Variants in ATP8B1 observed in about 807,000 individuals in gnomAD.
ATP8B1 encodes the protein ATPase phospholipid transporting 8B1.
In ATP8B1, 80 loss-of-function variants were observed where a neutral mutation model predicts 149.9. The observed-to-expected ratio is 0.53, with a 90% CI of 0.45 to 0.64. ATP8B1 has a LOEUF of 0.64. Among genes scored for constraint, ATP8B1 ranks in the 30% least tolerant of loss-of-function variants. The pLI is 0.00. For missense variants in ATP8B1, 1,247 were observed against 1,552.6 expected (o/e 0.80, Z 3.31); for synonymous variants, 536 against 562.8 (o/e 0.95, Z 0.67).
Position 57,648,851 on chromosome 18 carries a change from CTTGTGTGT to C in ATP8B1, c.3532-147_3532-140del. On this transcript the variant is annotated intron_variant, in intron 27 of 27. Transcript: ENST00000648908. ...TTTGATGCAGGCAGTTCTGTCCCCACTTGTGTGTGTGTGTGTGTGTGTGTGTGTGTGTG... is the reference window on the plus strand; with the variant it reads ...TTTGATGCAGGCAGTTCTGTCCCCACGTGTGTGTGTGTGTGTGTGTGTGTG... 2 of 520,772 alleles carry C rather than the reference CTTGTGTGT, an allele frequency of 3.8e-6. 1 individual carries two copies. The highest frequency in any genetic ancestry group is 6.7e-6 in the Non-Finnish European group (2 of 297,906). 32.3% of individuals were successfully genotyped at this position (520,772 alleles called of 1,614,324 possible). A position where few individuals can be genotyped will look rare whatever the true frequency, so the allele number is the denominator to read the frequency against.
chr18:57,669,317 C>A lies in ATP8B1; in HGVS notation c.2097+1G>T. 6.3e-7 allele frequency: 1 copy of A among 1,597,818 alleles called. No individual in the cohort carries two copies. The highest frequency in any genetic ancestry group is 8.5e-7 in the Non-Finnish European group (1 of 1,174,664). On this transcript the variant is annotated splice_donor_variant, in intron 18 of 27. Coordinates refer to ENST00000648908, the MANE Select transcript of ATP8B1 (RefSeq NM_001374385.1). LOFTEE classifies it high-confidence loss of function. ...AAAAAGTTATTAAGGCTAAAACTCA[C>A]AATTAAGTCTTTTTCAATCTCCTCA... is the stretch of plus-strand genomic sequence containing the variant.
intron 2 of ATP8B1, among the ~76,000 whole-genome samples, chr18:57,719,776 T>C (rs2079622673): frequency 6.6e-6 from 1 of 152,218 alleles, no homozygotes; most frequent in South Asian, 2.1e-4. Context: ...GAGGCCTGCC[T>C]GCCACTGTAG....
At chr18:57,668,037 G>A in intron 19 of ATP8B1, 2 of 1,240,730 alleles carry the variant, frequency 1.6e-6, no homozygotes, top group South Asian at 1.4e-5. Flanking sequence ...CAATAAAATT[G>A]GCAAGAAAAC....
At chr18:57,672,107 A>G (rs973214542) in intron 16 of ATP8B1, among the ~76,000 whole-genome samples, 5 of 152,192 alleles carry the variant, frequency 3.3e-5, no homozygotes, top group Non-Finnish European at 5.9e-5. Flanking sequence ...CTTCACAGTC[A>G]GCTCTGTTTT....
In ATP8B1 at chr18:57,703,158, C is replaced by G. The variant is rs752116303; in HGVS notation, c.393+1397G>C. On this transcript the variant is annotated intron_variant, in intron 4 of 27. Transcript: ENST00000648908. ...CCTTACCATCGTCTCTTCTTTTTCT[C>G]TCCTCTCCACGCATCCTCCATCCCC... Among the ~76,000 whole-genome samples, 166 of 152,232 alleles carry G rather than the reference C, an allele frequency of 1.1e-3. 1 individual carries two copies. Among genetic ancestry groups the G allele is most frequent in the Middle Eastern group, 3.4e-3 (1 of 294 alleles).
intron 1 of ATP8B1, among the ~76,000 whole-genome samples, chr18:57,796,514 A>G (rs535564456): frequency 6.6e-6 from 1 of 152,312 alleles, no homozygotes; most frequent in South Asian, 2.1e-4. Context: ...AAAAAACTGG[A>G]GGTTGATACA....
At position 57,650,400 on chromosome 18, in the gene ATP8B1, C is replaced by T; in HGVS notation, c.3498G>A (p.Leu1166=). ...CLLPVVAIRF[L]SMTIWPSESD... ...TTTCTGATGGCCAGATGGTCATTGA[C>T]AGGAATCGAATGGCAACGACGGGTA... is the stretch of plus-strand genomic sequence containing the variant. Residue 1166 remains leucine (L), a synonymous_variant, in exon 27 of 28, where the codon CTG becomes CTA. Coordinates refer to ENST00000648908, the MANE Select transcript of ATP8B1 (RefSeq NM_001374385.1). 2 of 1,613,758 alleles carry T rather than the reference C, an allele frequency of 1.2e-6. No homozygotes were observed. The highest frequency in any genetic ancestry group is 1.7e-6 in the Non-Finnish European group (2 of 1,179,816).
chr18:57,781,808 CCT>C lies in ATP8B1; in HGVS notation c.-26+21188_-26+21189del, dbSNP rs63066961. Among the ~76,000 whole-genome samples, 1,077 of 152,190 alleles carry C rather than the reference CCT, an allele frequency of 7.1e-3. 11 individuals carry two copies. Among genetic ancestry groups the C allele is most frequent in the African/African-American group, 0.024 (1,005 of 41,522 alleles). On this transcript the variant is annotated intron_variant, in intron 1 of 27. Coordinates refer to ENST00000648908, the MANE Select transcript of ATP8B1 (RefSeq NM_001374385.1). ...CCAGCCTGAACAACATAAGGATACC[CCT>C]GTCTCTACAAAAGAAGAAATTTTAA...
rs918983539 is a variant in ATP8B1, at chr18:57,762,118, C to A, written c.-25-30286G>T. 3.4e-4 allele frequency among the ~76,000 whole-genome samples: 42 copies of A among 123,282 alleles called. 1 individual carries two copies. The highest frequency in any genetic ancestry group is 3.4e-4 in the Non-Finnish European group (19 of 56,212). 80.9% of individuals were successfully genotyped at this position (123,282 alleles called of 152,430 possible). ...TGATGAGCCAATAATGAGATACACACACACACACATATATATATATATATT... is the reference window on the plus strand; with the variant it reads ...TGATGAGCCAATAATGAGATACACAAACACACACATATATATATATATATT... On this transcript the variant is annotated intron_variant, in intron 1 of 27. Transcript: ENST00000648908.
intron 1 of ATP8B1, among the ~76,000 whole-genome samples, chr18:57,783,319 C>A (rs1192686535): frequency 6.6e-6 from 1 of 152,140 alleles, no homozygotes; most frequent in Non-Finnish European, 1.5e-5. Flanking sequence ...TTATGTTTAA[C>A]AAAAGTTCTA....
At chr18:57,655,033 A>G (rs540450454) in intron 23 of ATP8B1, among the ~76,000 whole-genome samples, 161 bp downstream of exon 23, 1 of 152,314 alleles carries the variant, frequency 6.6e-6, no homozygotes, top group South Asian at 2.1e-4. Flanking sequence ...CACCAGAAAC[A>G]TTTAGAGAAG....
intron 2 of ATP8B1, among the ~76,000 whole-genome samples, chr18:57,727,345 G>A (rs1345510884): frequency 6.6e-6 from 1 of 152,160 alleles, no homozygotes; most frequent in Non-Finnish European, 1.5e-5. Context: ...AAGTGGAACA[G>A]CTCCCTCAGC....
rs1442547400 is a variant in ATP8B1, at chr18:57,802,040, G to C, written c.-26+958C>G. 1 of 131,430 alleles carries C rather than the reference G, an allele frequency of 7.6e-6. No individual in the cohort carries two copies. Among genetic ancestry groups the C allele is most frequent in the Non-Finnish European group, 1.5e-5 (1 of 64,694 alleles). The allele number at this position is 131,430 out of a possible 1,614,324, so 8.1% of individuals were successfully genotyped here. A position where few individuals can be genotyped will look rare whatever the true frequency, so the allele number is the denominator to read the frequency against. ...TCCCCCGTACAACCGTCACGGATCT[G>C]CGCTCCGAGCACCGCCCCCCCCCGC... is the stretch of plus-strand genomic sequence containing the variant. On this transcript the variant is annotated intron_variant, in intron 1 of 27. Coordinates refer to ENST00000648908, the MANE Select transcript of ATP8B1 (RefSeq NM_001374385.1). The surrounding 1 kb of genome is among the most constrained non-coding windows in gnomAD (Gnocchi z 4.9).
At chr18:57,683,120 G>C (rs1912064364) in intron 15 of ATP8B1, among the ~76,000 whole-genome samples, 1 of 152,146 alleles carries the variant, frequency 6.6e-6, no homozygotes, top group African/African-American at 2.4e-5. Context: ...GAGCCACCAA[G>C]CGTTGGCCTA....
intron 20 of ATP8B1, among the ~76,000 whole-genome samples, chr18:57,663,760 C>CT (rs1910664463): frequency 7.5e-6 from 1 of 133,826 alleles, no homozygotes. Flanking sequence ...GTGCTTTGCC[C>CT]ATTTTTTTTT....
At chr18:57,703,974 A>T (rs1365813553) in intron 4 of ATP8B1, among the ~76,000 whole-genome samples, 4 of 150,562 alleles carry the variant, frequency 2.7e-5, no homozygotes, top group Admixed American at 6.6e-5. Flanking sequence ...ATTTTATTTT[A>T]TTTTTTTTTA....
At chr18:57,695,682 C>G (rs1267638368) in intron 8 of ATP8B1, 150 bp from the exon 9 acceptor site, 11 of 717,442 alleles carry the variant, frequency 1.5e-5, no homozygotes, top group Non-Finnish European at 2.4e-5. Context: ...CTTGGAACTT[C>G]AGGTTTGGAA....
At chr18:57,791,803 C>T (rs1285235401) in intron 1 of ATP8B1, among the ~76,000 whole-genome samples, 1 of 152,108 alleles carries the variant, frequency 6.6e-6, no homozygotes, top group African/African-American at 2.4e-5. Flanking sequence ...TTCTTTAAGG[C>T]CTTTATCACA....
intron 15 of ATP8B1, among the ~76,000 whole-genome samples, chr18:57,676,679 A>T (rs1004811624): frequency 7.4e-6 from 1 of 135,138 alleles, no homozygotes; most frequent in African/African-American, 2.8e-5. Flanking sequence ...AGATCTCGCC[A>T]CTGCACTCCA....
Sources: gnomAD v4.1 joint callset for allele counts (sites outside exome capture counted in the v4.1 genomes callset) on GRCh38, gnomAD v4.1.1 for gene constraint, Gnocchi (gnomAD v3.1) non-coding constraint, MANE v1.5 for transcripts, NCBI Gene and HGNC (gene_info 2026-07-23, HGNC 2026-07-21) for gene names.